The following INSC variants were observed in gnomAD, a reference collection of about 807,000 sequenced individuals.
INSC encodes the protein protein inscuteable homolog.
A neutral mutation model predicts 58.6 loss-of-function variants in INSC; 67 were observed. The ratio of observed to expected loss-of-function variants is 1.14; its 90% confidence interval spans 0.94 to 1.40. INSC has a LOEUF of 1.40. Ranked by LOEUF, INSC falls within the 40% of genes most tolerant of loss-of-function variation. The probability of loss-of-function intolerance (pLI) is 0.00; values close to 1 mark genes in which losing one functional copy is unlikely to be tolerated. For missense variants in INSC, 714 were observed against 692.0 expected (o/e 1.03, Z -0.36); for synonymous variants, 262 against 276.1 (o/e 0.95, Z 0.51).
intron 9 of INSC, among the ~76,000 whole-genome samples, chr11:15,233,923 C>T (rs929720288): frequency 1.3e-5 from 2 of 152,206 alleles, no homozygotes; most frequent in African/African-American, 4.8e-5. Context: ...CCTCCTCCCT[C>T]ATAAGAATGT....
At chr11:15,190,105 G>A (rs17506351) in intron 5 of INSC, among the ~76,000 whole-genome samples, 9,693 of 152,102 alleles carry the variant, frequency 0.064, 398 homozygotes, top group East Asian at 0.12. Flanking sequence ...ACCCTTTGAC[G>A]GGACTCCCAG....
chr11:15,197,999 G>A (rs1032627976), intron 6 of INSC, among the ~76,000 whole-genome samples: 4 of 141,358 alleles, frequency 2.8e-5, no homozygotes, highest in African/African-American at 7.3e-5. Context: ...CAGGATGAGT[G>A]CTGCACTCGG....
chr11:15,205,169 G>T (rs544020395), intron 7 of INSC, among the ~76,000 whole-genome samples: 1 of 152,260 alleles, frequency 6.6e-6, no homozygotes, highest in East Asian at 1.9e-4. Flanking sequence ...TGAAGCCAGG[G>T]GTTCCAGGCT....
rs1455919267 is a variant in INSC at position 15,170,045 on chromosome 11, C to T, written c.57-5696C>T. On this transcript the variant is annotated intron_variant, in intron 2 of 12. Transcript: ENST00000379556. ...TTGCTTAATACTTGCATATAAGCTA[C>T]ACTTATCCTCTTGTATACTTTAAAT... is the stretch of plus-strand genomic sequence containing the variant. Among the ~76,000 whole-genome samples, 3 of 152,316 alleles carry T rather than the reference C, an allele frequency of 2.0e-5. No homozygotes were observed. In the East Asian group the frequency reaches 5.8e-4, roughly 29 times the overall value.
At chr11:15,257,044 T>C in the INSC span, among the ~76,000 whole-genome samples, 7 of 152,224 alleles carry the variant, frequency 4.6e-5, no homozygotes, top group Non-Finnish European at 1.0e-4. Context: ...TATTTAATGG[T>C]ATTTTCCAAC....
At chr11:15,135,607 C>A (rs1848226122) in intron 1 of INSC, among the ~76,000 whole-genome samples, 1 of 152,206 alleles carries the variant, frequency 6.6e-6, no homozygotes, top group Admixed American at 6.5e-5. Context: ...AGTCTGGATT[C>A]TCCTTTGAAT....
downstream of INSC, among the ~76,000 whole-genome samples, chr11:15,251,157 C>G (rs577057033): frequency 7.8e-4 from 119 of 152,282 alleles, 1 homozygote; most frequent in African/African-American, 2.7e-3. Context: ...CTGGAAGAAG[C>G]AAAATGAGTT....
chr11:15,204,215 A>G (rs1850708040), intron 7 of INSC, among the ~76,000 whole-genome samples: 1 of 152,214 alleles, frequency 6.6e-6, no homozygotes, highest in African/African-American at 2.4e-5. Context: ...ATCCTGTTAT[A>G]TCTCCACTGC....
chr11:15,190,896 C>T (rs1850143939), intron 6 of INSC, 82 bp downstream of exon 6: 2 of 928,260 alleles, frequency 2.2e-6, no homozygotes, highest in South Asian at 1.4e-5. Context: ...ATAGCTGGCT[C>T]ACGAGGTCTG....
At chr11:15,186,242 C>A (rs1037338829) in intron 5 of INSC, among the ~76,000 whole-genome samples, 6 of 86,854 alleles carry the variant, frequency 6.9e-5, no homozygotes, top group African/African-American at 2.8e-4. Context: ...GGATTTCTTT[C>A]TGCTACTTTT....
At chr11:15,197,135 A>C (rs1850401223) in intron 6 of INSC, among the ~76,000 whole-genome samples, 1 of 152,238 alleles carries the variant, frequency 6.6e-6, no homozygotes, top group South Asian at 2.1e-4. Flanking sequence ...GAGTTTCAGA[A>C]AGAATATAAA....
intron 2 of INSC, among the ~76,000 whole-genome samples, chr11:15,174,040 C>T (rs982977283): frequency 1.3e-5 from 2 of 152,208 alleles, no homozygotes; most frequent in African/African-American, 4.8e-5. Flanking sequence ...CCTTGTCCAA[C>T]ACAGCCCCAT....
chr11:15,245,105 T>C (rs1852507987), intron 12 of INSC, among the ~76,000 whole-genome samples: 1 of 152,000 alleles, frequency 6.6e-6, no homozygotes, highest in South Asian at 2.1e-4. Context: ...GAGCTCAGAG[T>C]CTAGTGTGGG....
At chr11:15,202,696 AT>A (rs2133887561) in intron 7 of INSC, among the ~76,000 whole-genome samples, 1 of 152,336 alleles carries the variant, frequency 6.6e-6, no homozygotes, top group East Asian at 1.9e-4. Flanking sequence ...GGAGCTTGGG[AT>A]CACCAGCCCT....
intron 5 of INSC, among the ~76,000 whole-genome samples, chr11:15,182,316 A>T (rs1056070090): frequency 3.9e-5 from 6 of 152,194 alleles, no homozygotes; most frequent in Admixed American, 3.9e-4. Context: ...TAAAAAAAAA[A>T]GGATGTGACT....
intron 5 of INSC, chr11:15,188,146 C>T: frequency 2.0e-6 from 2 of 981,840 alleles, no homozygotes; most frequent in Non-Finnish European, 2.4e-6. Flanking sequence ...GTGGCCTTGG[C>T]AAGAATACAG....
At chr11:15,150,415 A>G (rs1039591176) in intron 2 of INSC, among the ~76,000 whole-genome samples, 3 of 152,232 alleles carry the variant, frequency 2.0e-5, no homozygotes, top group Middle Eastern at 3.2e-3. Context: ...TAAATAATTC[A>G]TGCTGGATAA....
At chr11:15,123,097 GCTGTTCCTCTGCT>G (rs1174279450) in intron 1 of INSC, among the ~76,000 whole-genome samples, 1 of 152,046 alleles carries the variant, frequency 6.6e-6, no homozygotes, top group African/African-American at 2.4e-5. Flanking sequence ...CTTTGTATTT[GCTGTTCCTCTGCT>G]TAGAATGCTC....
At chr11:15,129,203 C>G (rs1246917572) in intron 1 of INSC, among the ~76,000 whole-genome samples, 1 of 152,130 alleles carries the variant, frequency 6.6e-6, no homozygotes, top group Non-Finnish European at 1.5e-5. Context: ...TAGGTTGCCC[C>G]CCATCTTCCC....
Sources: gnomAD v4.1 joint callset for allele counts (sites outside exome capture counted in the v4.1 genomes callset) on GRCh38, gnomAD v4.1.1 for gene constraint, MANE v1.5 for transcripts, NCBI Gene and HGNC (gene_info 2026-07-23, HGNC 2026-07-21) for gene names.